CTNNA3: variants seen among roughly 807,000 people sequenced by gnomAD.
CTNNA3 encodes catenin alpha-3.
A neutral mutation model predicts 95.7 loss-of-function variants in CTNNA3; 76 were observed. The observed-to-expected ratio is 0.79, with a 90% confidence interval of 0.66 to 0.96. The LOEUF (loss-of-function observed/expected upper bound fraction) is 0.96. Ranked by LOEUF, CTNNA3 falls within the 40% of genes least tolerant of loss-of-function variation. The probability of loss-of-function intolerance (pLI) is 0.00; values close to 1 mark genes in which losing one functional copy is unlikely to be tolerated. For synonymous variants in CTNNA3, 431 were observed against 374.4 expected (o/e 1.15, Z -1.74); for missense variants, 1,191 against 1,089.8 (o/e 1.09, Z -1.31).
intron 11 of CTNNA3, among the ~76,000 whole-genome samples, chr10:66,440,431 T>C (rs1015317128): frequency 2.6e-5 from 4 of 152,206 alleles, no homozygotes; most frequent in African/African-American, 9.6e-5. Context: ...ATGCATGGTA[T>C]TTTCTCTGTG....
intron 12 of CTNNA3, among the ~76,000 whole-genome samples, chr10:66,334,078 CTT>C: frequency 6.6e-6 from 1 of 151,974 alleles, no homozygotes; most frequent in Admixed American, 6.6e-5. Context: ...TTTCCATTTG[CTT>C]GGTAGATCTT....
chr10:67,426,856 T>C (rs142961070), intron 5 of CTNNA3, among the ~76,000 whole-genome samples: 200 of 151,864 alleles, frequency 1.3e-3, no homozygotes, highest in African/African-American at 4.5e-3. Context: ...AAGGAAATCT[T>C]GAAATAAAGA....
intron 7 of CTNNA3, chr10:66,926,628 A>G: frequency 3.7e-6 from 6 of 1,606,578 alleles, no homozygotes; most frequent in Non-Finnish European, 5.1e-6. Flanking sequence ...TTAAAAACAA[A>G]AAACAAAAAA....
At chr10:67,499,349 G>T (rs1163501431) in intron 5 of CTNNA3, among the ~76,000 whole-genome samples, 2 of 152,086 alleles carry the variant, frequency 1.3e-5, no homozygotes, top group Non-Finnish European at 2.9e-5. Flanking sequence ...CTTTTATTGA[G>T]GATTTTTGCA....
intron 5 of CTNNA3, among the ~76,000 whole-genome samples, chr10:67,439,264 A>G (rs1846412043): frequency 1.3e-5 from 2 of 152,286 alleles, no homozygotes; most frequent in South Asian, 4.1e-4. Flanking sequence ...CTGTTCTTGC[A>G]TTGTGATAAA....
chr10:66,799,236 T>C (rs1199811949), intron 7 of CTNNA3, among the ~76,000 whole-genome samples: 1 of 151,554 alleles, frequency 6.6e-6, no homozygotes, highest in African/African-American at 2.4e-5. Context: ...TAAAGGAGTA[T>C]AAAAGTGTGA....
intron 10 of CTNNA3, among the ~76,000 whole-genome samples, chr10:66,574,342 A>G (rs1270855049): frequency 6.6e-6 from 1 of 152,138 alleles, no homozygotes; most frequent in African/African-American, 2.4e-5. Flanking sequence ...CGAAAAATCC[A>G]GAAAGATATG....
chr10:66,196,753 G>T (rs2131899443), intron 13 of CTNNA3, among the ~76,000 whole-genome samples: 1 of 152,266 alleles, frequency 6.6e-6, no homozygotes, highest in South Asian at 2.1e-4. Flanking sequence ...GCTCCTGGCA[G>T]GCAGAACGGA....
chr10:67,319,804 G>A (rs1841229274), intron 5 of CTNNA3, among the ~76,000 whole-genome samples: 1 of 149,744 alleles, frequency 6.7e-6, no homozygotes, highest in South Asian at 2.1e-4. Context: ...GCTAAGGCAG[G>A]AGAATCACTT....
intron 13 of CTNNA3, among the ~76,000 whole-genome samples, chr10:66,227,733 T>A (rs1189921932): frequency 6.6e-6 from 1 of 152,122 alleles, no homozygotes; most frequent in Non-Finnish European, 1.5e-5. Context: ...TTTGCAAAAT[T>A]GTGAGAACTG....
At chr10:67,563,869 G>A (rs1186146929) in intron 3 of CTNNA3, among the ~76,000 whole-genome samples, 2 of 149,642 alleles carry the variant, frequency 1.3e-5, no homozygotes, top group South Asian at 2.2e-4. Context: ...AGACATTTAT[G>A]CAGCCAACAG....
Position 66,259,130 on chromosome 10 carries a change from C to T in CTNNA3, c.1884+21340G>A, listed in dbSNP as rs115101374. Among the ~76,000 whole-genome samples, 1,110 of 152,196 alleles carry T rather than the reference C, an allele frequency of 7.3e-3. 14 individuals are homozygous for T. Among genetic ancestry groups the T allele is most frequent in the African/African-American group, 0.025 (1,054 of 41,520 alleles). Reference sequence around the variant, plus strand: ...GTTTATATCATCCAGGTTACGATTCCACCTACAGATGACTATGCAATCCCA... The same window carrying T: ...GTTTATATCATCCAGGTTACGATTCTACCTACAGATGACTATGCAATCCCA... On this transcript the variant is annotated intron_variant, in intron 13 of 17. Coordinates refer to ENST00000433211, the MANE Select transcript of CTNNA3 (RefSeq NM_013266.4).
At chr10:66,530,806 C>A (rs1343785447) in intron 10 of CTNNA3, among the ~76,000 whole-genome samples, 3 of 152,088 alleles carry the variant, frequency 2.0e-5, no homozygotes, top group Admixed American at 6.6e-5. Context: ...TCTCATTTGC[C>A]TTGGATAAAC....
chr10:66,910,569 C>T (rs994158168), intron 7 of CTNNA3, among the ~76,000 whole-genome samples: 1 of 152,150 alleles, frequency 6.6e-6, no homozygotes, highest in African/African-American at 2.4e-5. Flanking sequence ...AAAGAATGAA[C>T]TGATTTTCAG....
At chr10:67,761,624 A>G (rs1589591365) in intron 1 of CTNNA3, among the ~76,000 whole-genome samples, 1 of 152,282 alleles carries the variant, frequency 6.6e-6, no homozygotes, top group East Asian at 1.9e-4. Flanking sequence ...CACGCCTGTG[A>G]TCTCAGCACT....
chr10:67,037,610 G>A (rs1249418230), intron 7 of CTNNA3, among the ~76,000 whole-genome samples: 2 of 152,090 alleles, frequency 1.3e-5, no homozygotes, highest in Non-Finnish European at 2.9e-5. Context: ...AGAAAGCTGT[G>A]AAAAATGATG....
At position 67,240,238 on chromosome 10, in the gene CTNNA3, A is replaced by G. The variant is rs183648506; in HGVS notation, c.580-20368T>C. Among the ~76,000 whole-genome samples, 124 of 152,308 alleles carry G rather than the reference A, an allele frequency of 8.1e-4. 1 individual carries two copies. Among genetic ancestry groups the G allele is most frequent in the African/African-American group, 2.9e-3 (120 of 41,574 alleles). ...CAGAAAAGCCCATGTATACTTTGCT[A>G]TTTGGATTCCATTATGGGTTGGCTT... On this transcript the variant is annotated intron_variant, in intron 5 of 17. Transcript: ENST00000433211.
intron 16 of CTNNA3, among the ~76,000 whole-genome samples, chr10:65,969,814 A>T (rs1262096828): frequency 1.3e-5 from 2 of 152,130 alleles, no homozygotes; most frequent in African/African-American, 4.8e-5. Flanking sequence ...CATTCCTGAG[A>T]CTGAGAAAAA....
chr10:66,952,923 C>T (rs946716853), intron 7 of CTNNA3, among the ~76,000 whole-genome samples: 3 of 151,962 alleles, frequency 2.0e-5, no homozygotes, highest in African/African-American at 4.8e-5. Flanking sequence ...GTGTTACAGC[C>T]GTTCAGAATG....
Sources: allele counts gnomAD v4.1 joint callset (sites outside exome capture counted in the v4.1 genomes callset), GRCh38; gene constraint gnomAD v4.1.1; transcripts MANE v1.5; gene names NCBI Gene and HGNC (gene_info 2026-07-23, HGNC 2026-07-21).